The following PKHD1L1 variants were observed in gnomAD, a reference collection of about 807,000 sequenced individuals.
PKHD1L1 encodes PKHD1 like 1, also known as fibrocystin-L.
In PKHD1L1, 434 loss-of-function variants were observed where a neutral mutation model predicts 462.9. The observed-to-expected ratio is 0.94, with a 90% CI of 0.87 to 1.02. The LOEUF (loss-of-function observed/expected upper bound fraction) is 1.02. Ranked by LOEUF, PKHD1L1 falls within the 50% of genes least tolerant of loss-of-function variation. The pLI is 0.00. For missense variants in PKHD1L1, 5,202 were observed against 5,096.1 expected (o/e 1.02, Z -0.63); for synonymous variants, 1,781 against 1,750.0 (o/e 1.02, Z -0.44).
chr8:109,512,767 A>C (rs1354967587), intron 71 of PKHD1L1, among the ~76,000 whole-genome samples: 1 of 152,046 alleles, frequency 6.6e-6, no homozygotes, highest in African/African-American at 2.4e-5. Flanking sequence ...ATGGCATTGA[A>C]TCTATAAATT....
chr8:109,446,276 G>A (rs1240039108), intron 38 of PKHD1L1, among the ~76,000 whole-genome samples: 1 of 152,116 alleles, frequency 6.6e-6, no homozygotes, highest in Non-Finnish European at 1.5e-5. Flanking sequence ...TAGAATATAT[G>A]TACTGAATTC....
chr8:109,384,184 T>C, intron 5 of PKHD1L1, 57 bp downstream of exon 5: 1 of 1,243,672 alleles, frequency 8.0e-7, no homozygotes. Context: ...ATGTGTTTAT[T>C]TTTTAGTATA....
At chr8:109,417,617 C>T (rs909758429) in intron 21 of PKHD1L1, among the ~76,000 whole-genome samples, 3 of 152,090 alleles carry the variant, frequency 2.0e-5, no homozygotes, top group African/African-American at 7.2e-5. Flanking sequence ...GATCTCAGCT[C>T]ACTGCAACCT....
chr8:109,507,895 G>T lies in PKHD1L1; in HGVS notation c.11227G>T (p.Gly3743Ter). 1 of 1,613,276 alleles carries T rather than the reference G, an allele frequency of 6.2e-7. No individual in the cohort carries two copies. Residue 3743 changes from glycine (G) to a stop codon, truncating the protein, a stop_gained and splice_region_variant, in exon 69 of 78, where the codon GGA becomes TGA. Coordinates refer to ENST00000378402, the MANE Select transcript of PKHD1L1 (RefSeq NM_177531.6). LOFTEE classifies it high-confidence loss of function. The stretch of plus-strand genomic sequence containing the variant: ...TGTCACTGAGAAAGCACCTCATAAA[G>T]GTTTGTTGGATCTTGCTTAATCTGT... The part of the protein sequence containing the change: ...IPVTEKAPHK[G>*]IIRDSTCKYL...
At chr8:109,427,213 C>T in intron 25 of PKHD1L1, 57 bp downstream of exon 25, 2 of 1,319,680 alleles carry the variant, frequency 1.5e-6, no homozygotes, top group Non-Finnish European at 2.2e-6. Flanking sequence ...CTTATTTGGA[C>T]CCTGCCTTAT....
rs1563573735 is a variant in PKHD1L1 at position 109,464,282 on chromosome 8, T to TTAG, written c.7452_7453insGTA (p.Leu2484_Gln2485insVal). Reference sequence around the variant, plus strand: ...AATACATTGGCACCTGCTTGGAGACTTACAGTTTAAATCTTATGTAAGAGG... The same window carrying TTAG: ...AATACATTGGCACCTGCTTGGAGACTTAGTACAGTTTAAATCTTATGTAAGAGG... On this transcript the variant is annotated inframe_insertion, in exon 49 of 78. Transcript: ENST00000378402. 4.3e-6 allele frequency: 7 copies of TTAG among 1,612,682 alleles called. No homozygotes were observed. Among genetic ancestry groups the TTAG allele is most frequent in the Non-Finnish European group, 5.1e-6 (6 of 1,179,200 alleles).
intron 46 of PKHD1L1, 61 bp from the exon 47 acceptor site, chr8:109,459,534 A>G: frequency 7.6e-7 from 1 of 1,321,302 alleles, no homozygotes; most frequent in Non-Finnish European, 1.0e-6. Flanking sequence ...CAAATATACC[A>G]AAACAATATG....
At position 109,394,473 on chromosome 8, in the gene PKHD1L1, C is replaced by A; in HGVS notation, c.799C>A (p.Gln267Lys). Residue 267 changes from glutamine (Q) to lysine (K), a missense_variant, in exon 10 of 78, where the codon CAA becomes AAA. This residue lies in a region of PKHD1L1 where 4,497 missense variants were observed against 4,336.8 expected (regional missense o/e 1.04). Coordinates refer to ENST00000378402, the MANE Select transcript of PKHD1L1 (RefSeq NM_177531.6). Reference sequence around the variant, plus strand: ...TTCTCTCAATAAAATTGCAATGTTTCAAACATATGCAGGTATGTGACTTTT... The same window carrying A: ...TTCTCTCAATAAAATTGCAATGTTTAAAACATATGCAGGTATGTGACTTTT... The part of the protein sequence containing the change: ...VSSLNKIAMF[Q>K]TYAEVTMIFP... The A allele has an allele frequency of 1.3e-6, 2 of 1,519,510 alleles. No individual in the cohort carries two copies. The highest frequency in any genetic ancestry group is 1.8e-6 in the Non-Finnish European group (2 of 1,127,282). The allele number at this position is 1,519,510 out of a possible 1,614,324, so 94.1% of individuals were successfully genotyped here. A position where few individuals can be genotyped will look rare whatever the true frequency, so the allele number is the denominator to read the frequency against.
In PKHD1L1 at chr8:109,522,417, T is replaced by TC; in HGVS notation, c.12183+81dup. On this transcript the variant is annotated intron_variant, in intron 74 of 77. Transcript: ENST00000378402. The stretch of plus-strand genomic sequence containing the variant: ...TTATTTCTTATTTTAACTCTCTGTT[T>TC]CTATTTCAAAACAATAATTTAGCAG... The TC allele has an allele frequency of 2.2e-6, 3 of 1,357,006 alleles. No individual in the cohort carries two copies. In the South Asian group the frequency reaches 4.7e-5, roughly 21 times the overall value. The allele number at this position is 1,357,006 out of a possible 1,614,324, so 84.1% of individuals were successfully genotyped here. A position where few individuals can be genotyped will look rare whatever the true frequency, so the allele number is the denominator to read the frequency against.
At chr8:109,511,030 C>G (rs1819948570) in intron 71 of PKHD1L1, 96 bp downstream of exon 71, 2 of 1,335,192 alleles carry the variant, frequency 1.5e-6, no homozygotes, top group Non-Finnish European at 2.0e-6. Context: ...CTAACATTGT[C>G]AGCCTTACAG....
At chr8:109,397,137 TTA>T (rs1385892629) in intron 11 of PKHD1L1, among the ~76,000 whole-genome samples, 1 of 152,208 alleles carries the variant, frequency 6.6e-6, no homozygotes, top group Non-Finnish European at 1.5e-5. Context: ...TAATCTGATC[TTA>T]TGTTTATTTT....
intron 59 of PKHD1L1, among the ~76,000 whole-genome samples, chr8:109,487,713 A>G (rs1818603187): frequency 6.6e-6 from 1 of 151,666 alleles, no homozygotes; most frequent in Non-Finnish European, 1.5e-5. Flanking sequence ...TTTCAGGCTC[A>G]ATTTTTAGTC....
chr8:109,462,981 C>A (rs1021046880), intron 48 of PKHD1L1, among the ~76,000 whole-genome samples: 5 of 152,086 alleles, frequency 3.3e-5, no homozygotes, highest in Admixed American at 2.6e-4. Flanking sequence ...AATTGCCACC[C>A]AAACTCCTGT....
chr8:109,434,713 C>T (rs541331785), intron 28 of PKHD1L1, among the ~76,000 whole-genome samples: 1 of 152,286 alleles, frequency 6.6e-6, no homozygotes, highest in South Asian at 2.1e-4. Context: ...AGGTGATCCA[C>T]CCGCCTCAGC....
intron 67 of PKHD1L1, among the ~76,000 whole-genome samples, chr8:109,499,867 A>G (rs1254601635): frequency 6.6e-6 from 1 of 152,222 alleles, no homozygotes; most frequent in Non-Finnish European, 1.5e-5. Flanking sequence ...GGGAAACTCT[A>G]GAGTGTAAGT....
rs1239167312 is a variant in PKHD1L1, at chr8:109,406,330, C to G, written c.1670-5C>G. 6.5e-7 allele frequency: 1 copy of G among 1,542,760 alleles called. No individual in the cohort carries two copies. Among genetic ancestry groups the G allele is most frequent in the Non-Finnish European group, 8.7e-7 (1 of 1,144,420 alleles). On this transcript the variant is annotated splice_polypyrimidine_tract_variant and splice_region_variant and intron_variant, in intron 16 of 77. Coordinates refer to ENST00000378402, the MANE Select transcript of PKHD1L1 (RefSeq NM_177531.6). ...GTTTGTTTGTTTGTTTTAATCCAAT[C>G]AAAGTCTTCCTACCTGCTGATGCTT...
intron 70 of PKHD1L1, among the ~76,000 whole-genome samples, chr8:109,509,738 G>A (rs1819875697): frequency 6.6e-6 from 1 of 151,854 alleles, no homozygotes; most frequent in Non-Finnish European, 1.5e-5. Context: ...ATATTTAAAA[G>A]TAGGATTTAT....
chr8:109,505,918 G>A (rs902915616), intron 68 of PKHD1L1, among the ~76,000 whole-genome samples: 1 of 151,870 alleles, frequency 6.6e-6, no homozygotes, highest in African/African-American at 2.4e-5. Flanking sequence ...AAAAAAGTAG[G>A]CACCTCTTCA....
At position 109,438,960 on chromosome 8, in the gene PKHD1L1, T is replaced by C. The variant is rs200212277; in HGVS notation, c.3824T>C (p.Val1275Ala). 13 of 1,613,330 alleles carry C rather than the reference T, an allele frequency of 8.1e-6. No individual in the cohort carries two copies. The African/African-American group carries it at 9.3e-5, about 12-fold the overall frequency. The change falls in exon 32 of 78, where the codon GTG becomes GCG. Residue 1275 changes from valine to alanine, a missense_variant. Coordinates refer to ENST00000378402, the MANE Select transcript of PKHD1L1 (RefSeq NM_177531.6). ...FGNELTQNMA[V>A]YVGGKTCQIL... The stretch of plus-strand genomic sequence containing the variant: ...AATGAACTCACACAAAACATGGCGG[T>C]GTATGTTGGAGGAAAAACCTGCCAG...
Sources: allele counts gnomAD v4.1 joint callset (sites outside exome capture counted in the v4.1 genomes callset), GRCh38; gene constraint gnomAD v4.1.1; regional missense constraint gnomAD v4.1.1; transcripts MANE v1.5; gene names NCBI Gene and HGNC (gene_info 2026-07-23, HGNC 2026-07-21).